ARHGAP24: variants seen among roughly 807,000 people sequenced by gnomAD.
ARHGAP24 encodes rho GTPase-activating protein 24.
A neutral mutation model predicts 76.4 loss-of-function variants in ARHGAP24; 50 were observed. The ratio of observed to expected loss-of-function variants is 0.65; its 90% CI spans 0.52 to 0.83. ARHGAP24 has a LOEUF of 0.83. Ranked by LOEUF, ARHGAP24 falls within the 40% of genes least tolerant of loss-of-function variation. ARHGAP24 has a pLI of 0.00. For synonymous variants in ARHGAP24, 345 were observed against 323.3 expected (o/e 1.07, Z -0.72); for missense variants, 930 against 914.2 (o/e 1.02, Z -0.22).
At chr4:85,589,022 C>A (rs1727978413) in intron 2 of ARHGAP24, among the ~76,000 whole-genome samples, 1 of 152,204 alleles carries the variant, frequency 6.6e-6, no homozygotes, top group Non-Finnish European at 1.5e-5. Context: ...TAGGTGAAGA[C>A]AACTTTGTAA....
At position 86,001,533 on chromosome 4, in the gene ARHGAP24, C is replaced by G. The variant is rs994067285; in HGVS notation, c.*811C>G. 5.0e-5 allele frequency: 20 copies of G among 397,980 alleles called. No homozygotes were observed. Among genetic ancestry groups the G allele is most frequent in the African/African-American group, 4.1e-4 (20 of 48,762 alleles). 24.7% of individuals were successfully genotyped at this position (397,980 alleles called of 1,614,324 possible). On this transcript the variant is annotated 3_prime_UTR_variant, in exon 10 of 10. Transcript: ENST00000395184. The stretch of plus-strand genomic sequence containing the variant: ...ATTTAACGATTCAGGCTTTGAATTA[C>G]TCTGTCCCTCTGGACCGAATCTCTT...
chr4:85,485,347 CAAAAAAAAAAAAAAA>C (rs1157207535), intron 1 of ARHGAP24, among the ~76,000 whole-genome samples: 3 of 6,724 alleles, frequency 4.5e-4, no homozygotes, highest in African/African-American at 1.2e-3. Context: ...GACTCCATCT[CAAAAAAAAAAAAAAA>C]AAAAAAAAAA....
intron 2 of ARHGAP24, among the ~76,000 whole-genome samples, chr4:85,667,286 A>G (rs561666023): frequency 4.5e-4 from 69 of 152,286 alleles, no homozygotes; most frequent in Admixed American, 1.5e-3. Context: ...CTCCATGGGC[A>G]TAGGACCCTC....
At chr4:85,984,849 G>T (rs1215196730) in intron 8 of ARHGAP24, among the ~76,000 whole-genome samples, 1 of 152,042 alleles carries the variant, frequency 6.6e-6, no homozygotes, top group Non-Finnish European at 1.5e-5. Flanking sequence ...TCAAGATGGA[G>T]TCTCACTCTG....
chr4:85,824,984 G>A (rs967730224), intron 3 of ARHGAP24, among the ~76,000 whole-genome samples: 6 of 152,086 alleles, frequency 3.9e-5, no homozygotes, highest in Non-Finnish European at 7.4e-5. Context: ...CAGCTACTAG[G>A]GAGGCTGAGG....
intron 2 of ARHGAP24, among the ~76,000 whole-genome samples, chr4:85,650,196 T>A (rs907178428): frequency 3.6e-5 from 5 of 137,654 alleles, no homozygotes; most frequent in African/African-American, 1.8e-4. Context: ...CCATGAAAGA[T>A]GTTATTACCA....
chr4:85,779,964 C>T (rs1054910889), intron 3 of ARHGAP24, among the ~76,000 whole-genome samples: 1 of 152,188 alleles, frequency 6.6e-6, no homozygotes, highest in African/African-American at 2.4e-5. Context: ...AATTTAGCCA[C>T]TTGTGGATCA....
chr4:85,958,828 T>A (rs1738072909), intron 5 of ARHGAP24, among the ~76,000 whole-genome samples: 1 of 152,210 alleles, frequency 6.6e-6, no homozygotes, highest in Non-Finnish European at 1.5e-5. Context: ...TATCCTCAGC[T>A]CCTCTTCCTT....
At position 85,786,285 on chromosome 4, in the gene ARHGAP24, CA is replaced by C. The variant is rs1162056725; in HGVS notation, c.268+64316del. The stretch of plus-strand genomic sequence containing the variant: ...GAGTATTAATTCCATTGCAAAGTCT[CA>C]AACCTGCAGCAGAAATAAACCTGAG... On this transcript the variant is annotated intron_variant, in intron 3 of 9. Transcript: ENST00000395184. Among the ~76,000 whole-genome samples, 3 of 152,188 alleles carry C rather than the reference CA, an allele frequency of 2.0e-5. No homozygotes were observed. In the East Asian group the frequency reaches 5.8e-4, roughly 29 times the overall value.
At chr4:85,656,545 G>A (rs1722178043) in intron 2 of ARHGAP24, among the ~76,000 whole-genome samples, 1 of 152,110 alleles carries the variant, frequency 6.6e-6, no homozygotes, top group Non-Finnish European at 1.5e-5. Flanking sequence ...TTGGCTTACT[G>A]CAAACTTCGC....
chr4:85,812,416 T>TC (rs1729054559), intron 3 of ARHGAP24, among the ~76,000 whole-genome samples: 1 of 152,120 alleles, frequency 6.6e-6, no homozygotes, highest in African/African-American at 2.4e-5. Context: ...AAGATTATTT[T>TC]CATACCATCC....
intron 2 of ARHGAP24, among the ~76,000 whole-genome samples, chr4:85,633,008 G>A (rs1446806587): frequency 6.6e-6 from 1 of 151,664 alleles, no homozygotes; most frequent in Non-Finnish European, 1.5e-5. Context: ...TGGCTCAAGG[G>A]AAACATAATA....
Position 86,000,908 on chromosome 4 carries a change from T to G in ARHGAP24, c.*186T>G. The G allele has an allele frequency of 1.2e-6, 1 of 837,038 alleles. No homozygotes were observed. Among genetic ancestry groups the G allele is most frequent in the Non-Finnish European group, 1.8e-6 (1 of 547,120 alleles). The allele number at this position is 837,038 out of a possible 1,614,324, so 51.9% of individuals were successfully genotyped here. On this transcript the variant is annotated 3_prime_UTR_variant, in exon 10 of 10. Coordinates refer to ENST00000395184, the MANE Select transcript of ARHGAP24 (RefSeq NM_001025616.3). ...ACCAAAGTTATATCATGCCCCATAA[T>G]GCTACTGTCAAGTGTTACAACTGGA... is the stretch of plus-strand genomic sequence containing the variant.
intron 1 of ARHGAP24, among the ~76,000 whole-genome samples, chr4:85,502,959 A>G (rs995831877): frequency 3.9e-5 from 6 of 152,186 alleles, no homozygotes; most frequent in Non-Finnish European, 7.4e-5. Context: ...GGCCTTTTCT[A>G]CATCTATTGA....
At chr4:85,841,378 G>A (rs1309951980) in intron 3 of ARHGAP24, among the ~76,000 whole-genome samples, 1 of 152,148 alleles carries the variant, frequency 6.6e-6, no homozygotes, top group African/African-American at 2.4e-5. Flanking sequence ...GTTGATTGTA[G>A]TTCCAACTCC....
chr4:85,895,245 G>A (rs1354550138), intron 3 of ARHGAP24, among the ~76,000 whole-genome samples: 1 of 152,026 alleles, frequency 6.6e-6, no homozygotes, highest in Non-Finnish European at 1.5e-5. Flanking sequence ...AAACAGAATT[G>A]CTAAAGGAAT....
At chr4:85,768,038 TCA>T (rs1726993216) in intron 3 of ARHGAP24, among the ~76,000 whole-genome samples, 1 of 152,180 alleles carries the variant, frequency 6.6e-6, no homozygotes, top group South Asian at 2.1e-4. Context: ...AGACTGGCCC[TCA>T]CAGTCTCAGA....
chr4:85,717,443 A>C (rs1267349128), intron 2 of ARHGAP24, among the ~76,000 whole-genome samples: 1 of 152,102 alleles, frequency 6.6e-6, no homozygotes. Context: ...TGCTTTGCGC[A>C]AGAACCTACC....
intron 1 of ARHGAP24, among the ~76,000 whole-genome samples, chr4:85,533,127 G>A (rs1445141206): frequency 2.0e-5 from 3 of 152,146 alleles, no homozygotes; most frequent in African/African-American, 7.2e-5. Flanking sequence ...AATATTTGGT[G>A]GAGAGTTTAA....
Sources: gnomAD v4.1 joint callset for allele counts (sites outside exome capture counted in the v4.1 genomes callset) on GRCh38, gnomAD v4.1.1 for gene constraint, MANE v1.5 for transcripts, NCBI Gene and HGNC (gene_info 2026-07-23, HGNC 2026-07-21) for gene names.